The following ACLY variants were observed in gnomAD, a reference collection of about 807,000 sequenced individuals.
ACLY encodes the protein ATP-citrate synthase.
Under a neutral mutation model 133.0 loss-of-function variants are expected in ACLY, and 41 were observed. The observed-to-expected ratio is 0.31, with a 90% CI of 0.24 to 0.40. The LOEUF (loss-of-function observed/expected upper bound fraction) is 0.40. ACLY is among the 10% of genes least tolerant of loss of function. The pLI is 1.00. For missense variants in ACLY, 1,046 were observed against 1,453.8 expected (o/e 0.72, Z 4.56); for synonymous variants, 495 against 549.3 (o/e 0.90, Z 1.38).
chr17:41,887,990 T>G (rs1183595582), intron 16 of ACLY, among the ~76,000 whole-genome samples: 1 of 151,840 alleles, frequency 6.6e-6, no homozygotes, highest in Non-Finnish European at 1.5e-5. Flanking sequence ...TAGCTGGGTA[T>G]GGTGGTGCGC....
intron 14 of ACLY, among the ~76,000 whole-genome samples, chr17:41,894,164 C>A (rs1350512047): frequency 6.7e-6 from 1 of 149,954 alleles, no homozygotes; most frequent in Non-Finnish European, 1.5e-5. Context: ...TTGCAGTGAG[C>A]CGAGATCGTG....
At position 41,893,155 on chromosome 17, in the gene ACLY, G is replaced by A. The variant is rs782444921; in HGVS notation, c.1479C>T (p.Phe493=). The A allele has an allele frequency of 6.2e-7, 1 of 1,613,614 alleles. No individual in the cohort carries two copies. The highest frequency in any genetic ancestry group is 8.5e-7 in the Non-Finnish European group (1 of 1,179,720). ...ACACAATGGCCTTGGTGTGGCGGCTGAAGAGGGTGGTGCTCTTTCCTGGTG... is the reference window on the plus strand; with the variant it reads ...ACACAATGGCCTTGGTGTGGCGGCTAAAGAGGGTGGTGCTCTTTCCTGGTG... ...RSLQGKSTTL[F]SRHTKAIVWG... The change falls in exon 15 of 29, where the codon TTC becomes TTT. Residue 493 remains phenylalanine, a synonymous_variant. Coordinates refer to ENST00000352035, the MANE Select transcript of ACLY (RefSeq NM_001096.3).
chr17:41,918,297 G>A (rs1023349174), intron 1 of ACLY, among the ~76,000 whole-genome samples: 1 of 152,248 alleles, frequency 6.6e-6, no homozygotes, highest in Admixed American at 6.5e-5. Context: ...GGCGAGACGA[G>A]GCGAGGCCTC....
rs538554393 is a variant in ACLY at position 41,924,215 on chromosome 17, G to A, written c.-28+6143C>T. 3.2e-4 allele frequency among the ~76,000 whole-genome samples: 49 copies of A among 151,946 alleles called. 1 individual carries two copies. Among genetic ancestry groups the A allele is most frequent in the Admixed American group, 2.5e-3 (38 of 15,228 alleles). On this transcript the variant is annotated intron_variant, in intron 1 of 3. Transcript: ENST00000592970. ...GCTAGAGTGCAGTGGCGTGATCTCG[G>A]CTCACTGCAACCTCCGCCTCCTGGG...
At chr17:41,916,424 C>T (rs1171445793) in intron 1 of ACLY, among the ~76,000 whole-genome samples, 1 of 150,892 alleles carries the variant, frequency 6.6e-6, no homozygotes, top group Non-Finnish European at 1.5e-5. Context: ...CCCAGGCTGG[C>T]GTGCAGTGGA....
At chr17:41,896,929 C>G (rs1316618207) in intron 13 of ACLY, among the ~76,000 whole-genome samples, 2 of 152,220 alleles carry the variant, frequency 1.3e-5, no homozygotes, top group Non-Finnish European at 2.9e-5. Context: ...ACCAGCGCCT[C>G]CCCCAGGCCC....
intron 11 of ACLY, among the ~76,000 whole-genome samples, chr17:41,899,629 C>T (rs1240454732): frequency 6.6e-6 from 1 of 152,172 alleles, no homozygotes; most frequent in Non-Finnish European, 1.5e-5. Flanking sequence ...AGACAGACCC[C>T]TAGCATCTTC....
chr17:41,897,859 G>C lies in ACLY; in HGVS notation c.1339-20C>G. 6.2e-7 allele frequency: 1 copy of C among 1,607,446 alleles called. No individual in the cohort carries two copies. Among genetic ancestry groups the C allele is most frequent in the Middle Eastern group, 1.7e-4 (1 of 6,038 alleles). On this transcript the variant is annotated intron_variant, in intron 12 of 28. Transcript: ENST00000352035. Reference sequence around the variant, plus strand: ...TGGCGTCTGGGGTGAGATAAGGAGAGAGTGTAAGAGGTAAGAGTCACACCT... The same window carrying C: ...TGGCGTCTGGGGTGAGATAAGGAGACAGTGTAAGAGGTAAGAGTCACACCT...
At chr17:41,875,608 G>GT (rs1215682335) in intron 22 of ACLY, among the ~76,000 whole-genome samples, 4 of 152,080 alleles carry the variant, frequency 2.6e-5, no homozygotes, top group African/African-American at 9.7e-5. Flanking sequence ...CGCCTGACTG[G>GT]TTTTCGTATT....
At chr17:41,912,889 A>G (rs1555633905) in intron 2 of ACLY, among the ~76,000 whole-genome samples, 1 of 152,202 alleles carries the variant, frequency 6.6e-6, no homozygotes, top group African/African-American at 2.4e-5. Context: ...GGACCAGAAC[A>G]TGTGTTCCAA....
intron 20 of ACLY, among the ~76,000 whole-genome samples, chr17:41,879,236 G>A (rs868949129): frequency 2.6e-5 from 4 of 151,928 alleles, no homozygotes; most frequent in African/African-American, 7.3e-5. Context: ...CACCCGAGTA[G>A]CTAGGATTAC....
chr17:41,896,825 G>A (rs1348184229), intron 13 of ACLY, among the ~76,000 whole-genome samples, 176 bp from the exon 14 acceptor site: 1 of 152,220 alleles, frequency 6.6e-6, no homozygotes, highest in Non-Finnish European at 1.5e-5. Context: ...AGAGGTGAAA[G>A]CACCGATGAG....
exon 1 of ACLY, chr17:41,930,540 A>G: frequency 1.8e-6 from 1 of 560,020 alleles, no homozygotes; most frequent in Non-Finnish European, 3.2e-6. Context: ...AGTGCGCGGC[A>G]GAACTGGCGC....
rs782118167 is a variant in ACLY at position 41,884,181 on chromosome 17, A to G, written c.2154+12T>C. 11 of 1,449,816 alleles carry G rather than the reference A, an allele frequency of 7.6e-6. No individual in the cohort carries two copies. The Admixed American group carries it at 2.0e-4, about 27-fold the overall frequency. 89.8% of individuals were successfully genotyped at this position (1,449,816 alleles called of 1,614,324 possible). On this transcript the variant is annotated intron_variant, in intron 19 of 28. Coordinates refer to ENST00000352035, the MANE Select transcript of ACLY (RefSeq NM_001096.3). The stretch of plus-strand genomic sequence containing the variant: ...TTTTAAAATCATAATTTTTTTTTTT[A>G]AAGTAACTCACCTCTCCAAGAACCA...
upstream of ACLY, chr17:41,919,115 A>AGGGC (rs1342507882): frequency 4.4e-5 from 51 of 1,156,790 alleles, no homozygotes; most frequent in Non-Finnish European, 5.2e-5. Flanking sequence ...CCGCCCCACG[A>AGGGC]GGGCGGGCCC....
chr17:41,898,539 T>C, intron 12 of ACLY, 92 bp downstream of exon 12: 1 of 1,489,358 alleles, frequency 6.7e-7, no homozygotes, highest in Non-Finnish European at 9.0e-7. Flanking sequence ...GTATTTCCTC[T>C]ATGCCCCCAG....
chr17:41,919,076 G>T, upstream of ACLY: 1 of 1,229,308 alleles, frequency 8.1e-7, no homozygotes, highest in Non-Finnish European at 1.0e-6. Flanking sequence ...GAGCGCCAGG[G>T]CTCCTCCCAA....
chr17:41,889,524 CAAAAAAA>C (rs533387140), intron 16 of ACLY, among the ~76,000 whole-genome samples: 69 of 31,594 alleles, frequency 2.2e-3, no homozygotes, highest in African/African-American at 6.0e-3. Context: ...CTCCATTTCA[CAAAAAAA>C]AAAAAAAAAA....
chr17:41,887,293 G>A (rs1466803438), intron 17 of ACLY, among the ~76,000 whole-genome samples: 1 of 151,976 alleles, frequency 6.6e-6, no homozygotes. Flanking sequence ...ACAAAAATTA[G>A]CCGGACATGG....
Sources: gnomAD v4.1 joint callset for allele counts (sites outside exome capture counted in the v4.1 genomes callset) on GRCh38, gnomAD v4.1.1 for gene constraint, MANE v1.5 for transcripts, NCBI Gene and HGNC (gene_info 2026-07-23, HGNC 2026-07-21) for gene names.